Variants in PTPN14 observed in about 807,000 individuals in gnomAD.
PTPN14 encodes the protein tyrosine-protein phosphatase non-receptor type 14.
PTPN14 carries 53 observed loss-of-function variants against 126.8 expected under a neutral mutation model. The observed-to-expected ratio is 0.42, with a 90% confidence interval of 0.34 to 0.53. The LOEUF (loss-of-function observed/expected upper bound fraction) is 0.53. PTPN14 is among the 20% of genes least tolerant of loss of function. PTPN14 has a pLI of 0.08. For missense variants in PTPN14, 1,257 were observed against 1,552.9 expected (o/e 0.81, Z 3.20); for synonymous variants, 630 against 599.3 (o/e 1.05, Z -0.75).
chr1:214,418,242 G>T (rs1349820095), intron 3 of PTPN14, among the ~76,000 whole-genome samples: 1 of 152,212 alleles, frequency 6.6e-6, no homozygotes, highest in African/African-American at 2.4e-5. Context: ...AAGACAGCTG[G>T]GAACAGAGCC....
At chr1:214,395,597 A>ACG (rs1658859858) in intron 8 of PTPN14, among the ~76,000 whole-genome samples, 2 of 118,006 alleles carry the variant, frequency 1.7e-5, no homozygotes, top group African/African-American at 3.1e-5. Context: ...CAACACACAC[A>ACG]CACACACACA....
chr1:214,475,924 G>C (rs4233305), intron 1 of PTPN14, among the ~76,000 whole-genome samples: 139,662 of 152,310 alleles, frequency 0.92, 64,156 homozygotes, highest in African/African-American at 0.97. Context: ...CGCAGAAAGA[G>C]GGTTATCAGC....
rs1011637263 is a variant in PTPN14 at position 214,378,005 on chromosome 1, C to T, written c.2642G>A (p.Arg881Gln). 1.9e-5 allele frequency: 31 copies of T among 1,607,972 alleles called. No individual in the cohort carries two copies. In the East Asian group the frequency reaches 2.5e-4, roughly 13 times the overall value. ...GGTGGCATCAACTCGATTCTCTTCCCGCCCTGAGACTCGAGCCACCGAGAG... is the reference window on the plus strand; with the variant it reads ...GGTGGCATCAACTCGATTCTCTTCCTGCCCTGAGACTCGAGCCACCGAGAG... ...NGLSVARVSG[R>Q]EENRVDATRV... is the part of the protein sequence containing the mutation. The change falls in exon 14 of 19, where the codon CGG becomes CAG. Residue 881 changes from arginine to glutamine, a missense_variant. Arg to Gln is a conservative substitution (Grantham distance 43). This residue lies in a region of PTPN14 where 1,021 missense variants were observed against 1,183.3 expected (regional missense o/e 0.86). Coordinates refer to ENST00000366956, the MANE Select transcript of PTPN14 (RefSeq NM_005401.5).
intron 3 of PTPN14, among the ~76,000 whole-genome samples, chr1:214,435,907 C>T (rs1176137638): frequency 6.6e-6 from 1 of 152,100 alleles, no homozygotes; most frequent in Non-Finnish European, 1.5e-5. Context: ...ATACCCAAAG[C>T]AATATAAATC....
chr1:214,393,062 C>T (rs967795061), intron 10 of PTPN14, among the ~76,000 whole-genome samples: 1 of 152,186 alleles, frequency 6.6e-6, no homozygotes, highest in African/African-American at 2.4e-5. Flanking sequence ...ATAGAGTGAG[C>T]CCCAGCACGC....
intron 15 of PTPN14, among the ~76,000 whole-genome samples, chr1:214,373,949 C>A (rs1658281086): frequency 6.6e-6 from 1 of 152,166 alleles, no homozygotes; most frequent in African/African-American, 2.4e-5. Context: ...ATTACCCCTG[C>A]AGCTCAGGGT....
rs140775144 is a variant in PTPN14 at position 214,533,971 on chromosome 1, G to A, written c.-155+17212C>T. 1.1e-4 allele frequency among the ~76,000 whole-genome samples: 16 copies of A among 152,136 alleles called. No individual in the cohort carries two copies. The East Asian group carries it at 2.7e-3, about 26-fold the overall frequency. On this transcript the variant is annotated intron_variant, in intron 1 of 18. Transcript: ENST00000366956. ...ATTTTTTAATGACTTTCAAAACAAG[G>A]TAAGAAAATTATAAGTGGCTCTTGT...
intron 2 of PTPN14, among the ~76,000 whole-genome samples, chr1:214,464,411 C>T (rs1363443868): frequency 2.6e-5 from 4 of 152,162 alleles, no homozygotes; most frequent in East Asian, 1.9e-4. Context: ...AAACCTGCCA[C>T]GCCATGCAGC....
intron 2 of PTPN14, among the ~76,000 whole-genome samples, chr1:214,457,907 T>C (rs996001132): frequency 2.0e-5 from 3 of 152,160 alleles, no homozygotes; most frequent in African/African-American, 7.2e-5. Context: ...GGCTACCATA[T>C]TGGACAGCAC....
At chr1:214,503,513 C>T (rs146208900) in intron 1 of PTPN14, among the ~76,000 whole-genome samples, 1 of 152,232 alleles carries the variant, frequency 6.6e-6, no homozygotes, top group East Asian at 1.9e-4. Context: ...AAACAGAAAA[C>T]TCAAAATTGG....
intron 1 of PTPN14, among the ~76,000 whole-genome samples, chr1:214,473,691 G>C (rs917593505): frequency 6.6e-6 from 1 of 152,118 alleles, no homozygotes; most frequent in East Asian, 1.9e-4. Flanking sequence ...GATAGTACTA[G>C]GTCATTTTCC....
At chr1:214,426,032 C>CAAAAAAAAAAAAAAAAAAAAAAAAAAAA (rs66656875) in intron 3 of PTPN14, among the ~76,000 whole-genome samples, 3 of 33,852 alleles carry the variant, frequency 8.9e-5, no homozygotes, top group Non-Finnish European at 1.5e-4. Context: ...GCATAAATCG[C>CAAAAAAAAAAAAAAAAAAAAAAAAAAAA]AAAAAAAAAA....
rs781058290 is a variant in PTPN14, at chr1:214,358,073, C to T, written c.3436-23G>A. 3 of 1,611,288 alleles carry T rather than the reference C, an allele frequency of 1.9e-6. 1 individual carries two copies. In the South Asian group the frequency reaches 3.3e-5, roughly 18 times the overall value. ...CTTCTGCAAGAAAAGAGAGAAAGCA[C>T]AAGGTCCTGAGACAGGAGGCTTCCC... On this transcript the variant is annotated intron_variant, in intron 18 of 18. Transcript: ENST00000366956.
intron 1 of PTPN14, among the ~76,000 whole-genome samples, chr1:214,524,524 C>T (rs918265611): frequency 2.0e-5 from 3 of 151,964 alleles, no homozygotes; most frequent in Non-Finnish European, 2.9e-5. Context: ...GGATGCTGCA[C>T]ACCTGTAGTC....
intron 1 of PTPN14, chr1:214,532,144 G>A: frequency 3.5e-6 from 1 of 289,182 alleles, no homozygotes; most frequent in East Asian, 7.7e-5. Context: ...AGTATACTGA[G>A]GTCGTTGGCA....
At chr1:214,498,867 G>A (rs1194655308) in intron 1 of PTPN14, among the ~76,000 whole-genome samples, 1 of 152,092 alleles carries the variant, frequency 6.6e-6, no homozygotes, top group Non-Finnish European at 1.5e-5. Flanking sequence ...GGAGTACAGT[G>A]GTGTGATCAT....
chr1:214,527,366 C>A (rs938231611), intron 1 of PTPN14, among the ~76,000 whole-genome samples: 117 of 152,060 alleles, frequency 7.7e-4, no homozygotes, highest in African/African-American at 2.8e-3. Context: ...ATTTATACTG[C>A]GAAGCCCTAA....
chr1:214,439,613 G>C (rs1659993942), intron 3 of PTPN14, among the ~76,000 whole-genome samples: 1 of 152,172 alleles, frequency 6.6e-6, no homozygotes, highest in African/African-American at 2.4e-5. Context: ...TGAGAGTTAG[G>C]AGGCTGTAAA....
chr1:214,499,528 T>C (rs1192688199), intron 1 of PTPN14, among the ~76,000 whole-genome samples: 1 of 152,210 alleles, frequency 6.6e-6, no homozygotes, highest in Non-Finnish European at 1.5e-5. Flanking sequence ...AAAAGATTTG[T>C]ACTTTTAAAA....
Sources: allele counts gnomAD v4.1 joint callset (sites outside exome capture counted in the v4.1 genomes callset), GRCh38; gene constraint gnomAD v4.1.1; regional missense constraint gnomAD v4.1.1; transcripts MANE v1.5; gene names NCBI Gene and HGNC (gene_info 2026-07-23, HGNC 2026-07-21).